SLC11A1: variants seen among roughly 807,000 people sequenced by gnomAD.
SLC11A1 encodes solute carrier family 11 member 1, also known as natural resistance-associated macrophage protein 1.
SLC11A1 carries 59 observed loss-of-function variants against 63.2 expected under a neutral mutation model. The ratio of observed to expected loss-of-function variants is 0.93; its 90% CI spans 0.76 to 1.16. The LOEUF (loss-of-function observed/expected upper bound fraction) is 1.16. Ranked by LOEUF, SLC11A1 falls within the 50% of genes most tolerant of loss-of-function variation. The probability of loss-of-function intolerance (pLI) is 0.00; values close to 1 mark genes in which losing one functional copy is unlikely to be tolerated. For missense variants in SLC11A1, 688 were observed against 730.7 expected (o/e 0.94, Z 0.67); for synonymous variants, 305 against 307.8 (o/e 0.99, Z 0.09).
chr2:218,387,449 A>G (rs1696163956), intron 6 of SLC11A1, 116 bp from the exon 7 acceptor site: 3 of 1,083,170 alleles, frequency 2.8e-6, no homozygotes, highest in Admixed American at 2.0e-5. Context: ...GTGAGGTAAC[A>G]TATGTTAAGC....
rs1201884650 is a variant in SLC11A1 at position 218,387,640 on chromosome 2, G to A, written c.639+8G>A. The stretch of plus-strand genomic sequence containing the variant: ...TTGACCTTTGGCTATGAGGTAGGAA[G>A]CCAGTGCTGCAACCCCACTGTGGAC... On this transcript the variant is annotated splice_region_variant and intron_variant, in intron 7 of 14. Transcript: ENST00000233202. 6.2e-7 allele frequency: 1 copy of A among 1,614,066 alleles called. No homozygotes were observed. The highest frequency in any genetic ancestry group is 1.1e-5 in the South Asian group (1 of 91,084).
In SLC11A1 at chr2:218,388,258, C is replaced by T; in HGVS notation, c.795+303C>T. ...TGGCGCGCGCCTGTAGTCCCAGCGGCTCGGGAGGCTGAGGCAGGAGAATCG... is the reference window on the plus strand; with the variant it reads ...TGGCGCGCGCCTGTAGTCCCAGCGGTTCGGGAGGCTGAGGCAGGAGAATCG... On this transcript the variant is annotated intron_variant, in intron 8 of 14. Coordinates refer to ENST00000233202, the MANE Select transcript of SLC11A1 (RefSeq NM_000578.4). 1.0e-5 allele frequency: 3 copies of T among 297,774 alleles called. No homozygotes were observed. The South Asian group carries it at 1.3e-4, about 12-fold the overall frequency. The allele number at this position is 297,774 out of a possible 1,614,324, so 18.4% of individuals were successfully genotyped here.
At chr2:218,389,208 G>A (rs1696291386) in intron 8 of SLC11A1, among the ~76,000 whole-genome samples, 1 of 152,016 alleles carries the variant, frequency 6.6e-6, no homozygotes. Context: ...GTAGATCAGG[G>A]AAAAGATATT....
At position 218,385,028 on chromosome 2, in the gene SLC11A1, G is replaced by A. The variant is rs1696004303; in HGVS notation, c.274-119G>A. ...TGAGCTACCAGCGCCCAGCCAGGAT[G>A]GGACTCCATCTCTCCCACCCCCTCC... On this transcript the variant is annotated intron_variant, in intron 3 of 14. Transcript: ENST00000233202. The A allele has an allele frequency of 2.2e-6, 3 of 1,370,044 alleles. No individual in the cohort carries two copies. In the Middle Eastern group the frequency reaches 7.4e-4, roughly 339 times the overall value. 84.9% of individuals were successfully genotyped at this position (1,370,044 alleles called of 1,614,324 possible). A position where few individuals can be genotyped will look rare whatever the true frequency, so the allele number is the denominator to read the frequency against.
chr2:218,382,448 T>C (rs1574757689), intron 1 of SLC11A1, 73 bp downstream of exon 1: 1 of 1,563,184 alleles, frequency 6.4e-7, no homozygotes. Flanking sequence ...TGGTGGAGAC[T>C]TGAGGAAGCA....
chr2:218,385,567 T>A (rs1395977600), intron 4 of SLC11A1: 1 of 422,320 alleles, frequency 2.4e-6, no homozygotes, highest in Non-Finnish European at 4.7e-6. Context: ...ATTTTTGTAT[T>A]TTTAGTAGAG....
In SLC11A1 at chr2:218,384,462, C is replaced by T; in HGVS notation, c.273+97C>T. The T allele has an allele frequency of 6.9e-7, 1 of 1,440,368 alleles. No individual in the cohort carries two copies. Among genetic ancestry groups the T allele is most frequent in the East Asian group, 2.4e-5 (1 of 42,244 alleles). 89.2% of individuals were successfully genotyped at this position (1,440,368 alleles called of 1,614,324 possible). On this transcript the variant is annotated intron_variant, in intron 3 of 14. Transcript: ENST00000233202. This position sits in a 1 kb window ranked among gnomAD's most constrained non-coding sequence, Gnocchi z 4.0. ...GCTGGCCATGTTTCTCCAATGTGGC[C>T]TGGGAGCTGGTGTTAAGTTCAAATG...
At chr2:218,393,474 ATTTT>A (rs34589602) in intron 12 of SLC11A1, among the ~76,000 whole-genome samples, 6 of 130,336 alleles carry the variant, frequency 4.6e-5, no homozygotes, top group Non-Finnish European at 6.5e-5. Flanking sequence ...CACCCAGCTA[ATTTT>A]TTTTTTTTTT....
At position 218,393,072 on chromosome 2, in the gene SLC11A1, G is replaced by T; in HGVS notation, c.1256G>T (p.Arg419Leu). 6.3e-7 allele frequency: 1 copy of T among 1,597,546 alleles called. No individual in the cohort carries two copies. The change falls in exon 12 of 15, where the codon CGG (arginine) becomes CTG (leucine). Residue 419 changes from arginine to leucine, a missense_variant. By Grantham distance (102) the Arg-to-Leu change is moderately radical. Transcript: ENST00000233202. ...ILPTVLVAVF[R>L]DLRDLSGLND... ...CCCACCGTGCTCGTGGCTGTCTTCCGGGACCTGAGGGACTTGTCGGGCCTC... is the reference window on the plus strand; with the variant it reads ...CCCACCGTGCTCGTGGCTGTCTTCCTGGACCTGAGGGACTTGTCGGGCCTC...
Position 218,395,987 on chromosome 2 carries a change from C to T in SLC11A1, c.*952C>T, listed in dbSNP as rs1315286202. 1 of 152,398 alleles carries T rather than the reference C, an allele frequency of 6.6e-6. No homozygotes were observed. The highest frequency in any genetic ancestry group is 1.5e-5 in the Non-Finnish European group (1 of 68,048). The allele number at this position is 152,398 out of a possible 1,614,324, so 9.4% of individuals were successfully genotyped here. On this transcript the variant is annotated 3_prime_UTR_variant, in exon 15 of 15. Transcript: ENST00000233202. ...TCATAAGGAACCCAAGAGTCTGTGC[C>T]TCTGAGGCCCAAATTATTTGCTGTT...
intron 12 of SLC11A1, 141 bp downstream of exon 12, chr2:218,393,271 GCCACC>G: frequency 7.2e-6 from 6 of 834,220 alleles, no homozygotes; most frequent in South Asian, 2.4e-5. Flanking sequence ...TGTCCCCACA[GCCACC>G]CTGGGGGGCA....
intron 8 of SLC11A1, 48 bp from the exon 9 acceptor site, chr2:218,389,822 G>A (rs907565122): frequency 6.4e-7 from 1 of 1,566,306 alleles, no homozygotes; most frequent in Non-Finnish European, 8.7e-7. Context: ...GGACACTGTG[G>A]TGGCTCTGAG....
rs1465981496 is a variant in SLC11A1 at position 218,395,372 on chromosome 2, T to G, written c.*337T>G. ...CGTGACCTGACAGCCCAAGGGTGGGTGGGGTGAGGGCTTGAGGACTTGGGC... is the reference window on the plus strand; with the variant it reads ...CGTGACCTGACAGCCCAAGGGTGGGGGGGGTGAGGGCTTGAGGACTTGGGC... On this transcript the variant is annotated 3_prime_UTR_variant, in exon 15 of 15. Transcript: ENST00000233202. The G allele has an allele frequency of 4.0e-6, 1 of 250,150 alleles. No individual in the cohort carries two copies. The highest frequency in any genetic ancestry group is 7.8e-6 in the Non-Finnish European group (1 of 128,076). 15.5% of individuals were successfully genotyped at this position (250,150 alleles called of 1,614,324 possible).
At position 218,384,985 on chromosome 2, in the gene SLC11A1, AGTGCT is replaced by A; in HGVS notation, c.274-160_274-156del. The A allele has an allele frequency of 1.2e-6, 1 of 846,810 alleles. No homozygotes were observed. The highest frequency in any genetic ancestry group is 1.8e-6 in the Non-Finnish European group (1 of 554,482). The allele number at this position is 846,810 out of a possible 1,614,324, so 52.5% of individuals were successfully genotyped here. On this transcript the variant is annotated intron_variant, in intron 3 of 14. Transcript: ENST00000233202. The surrounding 1 kb of genome is among the most constrained non-coding windows in gnomAD (Gnocchi z 4.0). ...CAATCCTCCCACCTTAGCCTTTTAA[AGTGCT>A]GGGATTACAGGGTGAGCTACCAGCG... is the stretch of plus-strand genomic sequence containing the variant.
intron 8 of SLC11A1, chr2:218,388,159 A>ACCACC: frequency 1.7e-6 from 1 of 576,670 alleles, no homozygotes; most frequent in Non-Finnish European, 3.0e-6. Flanking sequence ...CACGAGGTCA[A>ACCACC]GAGATCGACA....
intron 1 of SLC11A1, 33 bp downstream of exon 1, chr2:218,382,408 T>TGG (rs1559114220): frequency 6.2e-7 from 1 of 1,612,468 alleles, no homozygotes; most frequent in Admixed American, 1.7e-5. Flanking sequence ...AGAGCCTGAT[T>TGG]GGGGGGTGGA....
In SLC11A1 at chr2:218,389,894, C is replaced by G. The variant is rs572756670; in HGVS notation, c.820C>G (p.Arg274Gly). 14 of 1,613,000 alleles carry G rather than the reference C, an allele frequency of 8.7e-6. No individual in the cohort carries two copies. The highest frequency in any genetic ancestry group is 1.2e-5 in the Non-Finnish European group (14 of 1,179,450). Reference protein sequence around the residue: ...VKSREIDRARRADIREANMYF... With the variant: ...VKSREIDRARGADIREANMYF... ...GTCTCGAGAGATAGACCGGGCCCGC[C>G]GAGCAGACATCAGAGAAGCCAACAT... Residue 274 changes from arginine to glycine, a missense_variant, in exon 9 of 15, where the codon CGA becomes GGA. By Grantham distance (125) the Arg-to-Gly change is moderately radical. Coordinates refer to ENST00000233202, the MANE Select transcript of SLC11A1 (RefSeq NM_000578.4).
chr2:218,392,064 T>G (rs1462531347), intron 11 of SLC11A1: 2 of 375,550 alleles, frequency 5.3e-6, no homozygotes, highest in African/African-American at 4.6e-5. Flanking sequence ...CCTTTTCTTT[T>G]CTTTCTTTCT....
At position 218,392,822 on chromosome 2, in the gene SLC11A1, C is replaced by T. The variant is rs1270727010; in HGVS notation, c.1165-159C>T. 4 of 535,964 alleles carry T rather than the reference C, an allele frequency of 7.5e-6. No individual in the cohort carries two copies. In the East Asian group the frequency reaches 1.0e-4, roughly 14 times the overall value. 33.2% of individuals were successfully genotyped at this position (535,964 alleles called of 1,614,324 possible). A position where few individuals can be genotyped will look rare whatever the true frequency, so the allele number is the denominator to read the frequency against. On this transcript the variant is annotated intron_variant, in intron 11 of 14. Coordinates refer to ENST00000233202, the MANE Select transcript of SLC11A1 (RefSeq NM_000578.4). ...TGGGAGCTCCCCATTTCTCCCCACC[C>T]ATCCCCTCTTGCCACCTAGGGACAG...
Sources: gnomAD v4.1 joint callset for allele counts (sites outside exome capture counted in the v4.1 genomes callset) on GRCh38, gnomAD v4.1.1 for gene constraint, Gnocchi (gnomAD v3.1) non-coding constraint, MANE v1.5 for transcripts, NCBI Gene and HGNC (gene_info 2026-07-23, HGNC 2026-07-21) for gene names.